Variants in MYO5A observed in about 807,000 individuals in gnomAD.
MYO5A encodes the protein myosin VA, also known as unconventional myosin-Va.
A neutral mutation model predicts 249.7 loss-of-function variants in MYO5A; 98 were observed. The ratio of observed to expected loss-of-function variants is 0.39; its 90% CI spans 0.33 to 0.46. The LOEUF (loss-of-function observed/expected upper bound fraction) is 0.46, where lower values mean the gene tolerates loss of function less well. Among genes scored for constraint, MYO5A ranks in the 20% least tolerant of loss-of-function variants. MYO5A has a pLI of 0.98. For missense variants in MYO5A, 1,696 were observed against 2,308.8 expected (o/e 0.73, Z 5.44); for synonymous variants, 778 against 810.6 (o/e 0.96, Z 0.68).
Position 52,462,777 on chromosome 15 carries a change from G to C in MYO5A, c.28-29492C>G, listed in dbSNP as rs561604263. Among the ~76,000 whole-genome samples the C allele has an allele frequency of 2.0e-5, 3 of 152,188 alleles. No individual in the cohort carries two copies. In the South Asian group the frequency reaches 6.2e-4, roughly 32 times the overall value. ...GCAGGATAATCTCTTGAACCCTGGA[G>C]GTGGAGGTTGCTGTGAGCCAAGATT... On this transcript the variant is annotated intron_variant, in intron 1 of 41. Coordinates refer to ENST00000399233, the MANE Select transcript of MYO5A (RefSeq NM_001382347.1).
chr15:52,473,114 G>C (rs925383434), intron 1 of MYO5A, among the ~76,000 whole-genome samples: 5 of 152,160 alleles, frequency 3.3e-5, no homozygotes, highest in Admixed American at 3.3e-4. Context: ...ATCTCATTGT[G>C]GTTTTGATTT....
At chr15:52,386,800 G>T (rs138306725) in intron 14 of MYO5A, among the ~76,000 whole-genome samples, 1 of 152,008 alleles carries the variant, frequency 6.6e-6, no homozygotes, top group Non-Finnish European at 1.5e-5. Context: ...TGCCTGCCTC[G>T]GCCTCCCAAA....
At chr15:52,398,902 T>G (rs1003153076) in intron 9 of MYO5A, among the ~76,000 whole-genome samples, 1 of 151,956 alleles carries the variant, frequency 6.6e-6, no homozygotes, top group East Asian at 1.9e-4. Flanking sequence ...GGCAAGAGAA[T>G]TGCTTGAACC....
chr15:52,439,668 C>T (rs1420043403), intron 1 of MYO5A, among the ~76,000 whole-genome samples: 1 of 152,074 alleles, frequency 6.6e-6, no homozygotes, highest in Non-Finnish European at 1.5e-5. Context: ...AGTTTGAGGC[C>T]ACCAAGCAGG....
chr15:52,386,124 C>G (rs1459834191), intron 14 of MYO5A, among the ~76,000 whole-genome samples: 1 of 152,124 alleles, frequency 6.6e-6, no homozygotes, highest in Admixed American at 6.5e-5. Flanking sequence ...CAAGACCAGC[C>G]TGGACAACAT....
intron 35 of MYO5A, 141 bp downstream of exon 35, chr15:52,330,212 A>G: frequency 8.8e-7 from 1 of 1,134,792 alleles, no homozygotes; most frequent in Non-Finnish European, 1.3e-6. Flanking sequence ...TGGTCAGAAC[A>G]CTACTGCAGC....
In MYO5A at chr15:52,319,041, G is replaced by A; in HGVS notation, c.5234+19C>T. On this transcript the variant is annotated intron_variant, in intron 39 of 41. Transcript: ENST00000399233. ...TGGGCAGCAAAAAGACACTGTCGCA[G>A]GTGTTGGCATTTGCTCACCTGATCT... The A allele has an allele frequency of 3.1e-6, 5 of 1,613,686 alleles. No homozygotes were observed. The highest frequency in any genetic ancestry group is 2.5e-6 in the Non-Finnish European group (3 of 1,179,964).
Position 52,450,855 on chromosome 15 carries a change from T to TTTTTTTTTGTTTTTTG in MYO5A, c.28-17571_28-17570insCAAAAAACAAAAAAAA, listed in dbSNP as rs1567138436. On this transcript the variant is annotated intron_variant, in intron 1 of 41. Coordinates refer to ENST00000399233, the MANE Select transcript of MYO5A (RefSeq NM_001382347.1). ...TTGCACTACTGTGGTTTTTTTTTTT[T>TTTTTTTTTGTTTTTTG]TTTTTTTTTTGTGACAGGGTCTCAC... 5.2e-3 allele frequency among the ~76,000 whole-genome samples: 755 copies of TTTTTTTTTGTTTTTTG among 144,384 alleles called. 11 individuals are homozygous for TTTTTTTTTGTTTTTTG. The highest frequency in any genetic ancestry group is 0.019 in the African/African-American group (718 of 38,760). 94.7% of individuals were successfully genotyped at this position (144,384 alleles called of 152,430 possible).
intron 1 of MYO5A, among the ~76,000 whole-genome samples, chr15:52,485,646 T>C (rs2076804899): frequency 6.6e-6 from 1 of 152,228 alleles, no homozygotes; most frequent in Non-Finnish European, 1.5e-5. Context: ...TCTACTATGC[T>C]AATGTAATTT....
rs991552759 is a variant in MYO5A, at chr15:52,443,975, T to A, written c.28-10690A>T. ...TCCAGCCTGGGCAACAGAGGAAGAC[T>A]CTGTCTCCAAAAAAAAAAGGAAAAT... On this transcript the variant is annotated intron_variant, in intron 1 of 41. Transcript: ENST00000399233. Among the ~76,000 whole-genome samples, 7 of 151,856 alleles carry A rather than the reference T, an allele frequency of 4.6e-5. No individual in the cohort carries two copies. The South Asian group carries it at 1.0e-3, about 23-fold the overall frequency.
intron 20 of MYO5A, among the ~76,000 whole-genome samples, chr15:52,374,278 T>C (rs764708769): frequency 2.6e-5 from 4 of 152,234 alleles, no homozygotes; most frequent in Admixed American, 6.5e-5. Flanking sequence ...GTCAATACAA[T>C]TTTAACCACA....
At chr15:52,388,668 C>A (rs1477303262) in intron 13 of MYO5A, among the ~76,000 whole-genome samples, 1 of 152,120 alleles carries the variant, frequency 6.6e-6, no homozygotes, top group South Asian at 2.1e-4. Context: ...CACTATAGAA[C>A]TTGTGAAGCA....
chr15:52,372,585 CAT>C (rs2041184076), intron 20 of MYO5A, among the ~76,000 whole-genome samples: 2 of 152,102 alleles, frequency 1.3e-5, no homozygotes, highest in African/African-American at 4.8e-5. Context: ...ATTTCAGAAA[CAT>C]ACATAAAAAT....
rs1457846567 is a variant in MYO5A at position 52,372,030 on chromosome 15, C to T, written c.2817+94G>A. 1.5e-5 allele frequency: 24 copies of T among 1,581,558 alleles called. No individual in the cohort carries two copies. The East Asian group carries it at 2.5e-4, about 16-fold the overall frequency. The stretch of plus-strand genomic sequence containing the variant: ...TCATAATTTTACTTTTTACTAAGAC[C>T]GAAGGGTAAAGTCAAAGAAAAACAA... On this transcript the variant is annotated intron_variant, in intron 21 of 41. Transcript: ENST00000399233.
At chr15:52,452,805 G>A (rs1263445100) in intron 1 of MYO5A, among the ~76,000 whole-genome samples, 4 of 149,556 alleles carry the variant, frequency 2.7e-5, no homozygotes, top group Non-Finnish European at 4.4e-5. Flanking sequence ...CCAAGATTGC[G>A]CCACTGTACT....
chr15:52,504,885 T>A (rs111986603), intron 1 of MYO5A, among the ~76,000 whole-genome samples: 13,655 of 146,156 alleles, frequency 0.093, 749 homozygotes, highest in Middle Eastern at 0.16. Context: ...CGAGACTCCA[T>A]CTCAAAAAAA....
intron 1 of MYO5A, among the ~76,000 whole-genome samples, chr15:52,500,343 A>AT (rs57977240): frequency 1.6e-5 from 2 of 124,090 alleles, no homozygotes; most frequent in South Asian, 2.6e-4. Context: ...TCCTTTGCCC[A>AT]TTTTTTTTTT....
At chr15:52,351,607 G>T (rs1315946210) in intron 27 of MYO5A, 126 bp from the exon 28 acceptor site, 10 of 901,612 alleles carry the variant, frequency 1.1e-5, no homozygotes, top group African/African-American at 3.3e-5. Context: ...CTAGTGAATG[G>T]CTTCCTAGGT....
chr15:52,426,763 C>T (rs2075404445), intron 3 of MYO5A, among the ~76,000 whole-genome samples: 1 of 152,190 alleles, frequency 6.6e-6, no homozygotes. Flanking sequence ...AGGTGAGTTA[C>T]ATATAATTGT....
Sources: allele counts gnomAD v4.1 joint callset (sites outside exome capture counted in the v4.1 genomes callset), GRCh38; gene constraint gnomAD v4.1.1; transcripts MANE v1.5; gene names NCBI Gene and HGNC (gene_info 2026-07-23, HGNC 2026-07-21).